Variants in GNA12 observed in about 807,000 individuals in gnomAD.
The protein encoded by GNA12 is guanine nucleotide-binding protein subunit alpha-12.
In GNA12, 9 loss-of-function variants were observed where a neutral mutation model predicts 26.0. That is an observed-to-expected ratio of 0.35 (90% confidence interval 0.21 to 0.60). The LOEUF (loss-of-function observed/expected upper bound fraction) is 0.60, where lower values mean the gene tolerates loss of function less well. Ranked by LOEUF, GNA12 falls within the 20% of genes least tolerant of loss-of-function variation. GNA12 has a pLI of 0.78. For synonymous variants in GNA12, 264 were observed against 219.6 expected, an observed-to-expected ratio of 1.20 and a Z score of -1.79; for missense variants, 405 against 525.8, an observed-to-expected ratio of 0.77 and a Z score of 2.25.
intron 2 of GNA12, among the ~76,000 whole-genome samples, chr7:2,770,922 C>T (rs1170154945): frequency 6.6e-6 from 1 of 152,184 alleles, no homozygotes; most frequent in Non-Finnish European, 1.5e-5. Flanking sequence ...CCTGGGGGTA[C>T]TGCAAGCGCC....
At chr7:2,759,707 T>C (rs545653906) in intron 2 of GNA12, among the ~76,000 whole-genome samples, 2 of 152,222 alleles carry the variant, frequency 1.3e-5, no homozygotes, top group East Asian at 1.9e-4. Context: ...TCATACAGGA[T>C]AGGAGAGAGA....
At chr7:2,831,090 T>C (rs1409319200) in intron 1 of GNA12, among the ~76,000 whole-genome samples, 1 of 152,148 alleles carries the variant, frequency 6.6e-6, no homozygotes, top group Non-Finnish European at 1.5e-5. Flanking sequence ...ATTTGTTGAC[T>C]TGCTGTCCCA....
intron 2 of GNA12, among the ~76,000 whole-genome samples, chr7:2,771,776 T>G (rs551903785): frequency 8.2e-4 from 125 of 152,338 alleles, no homozygotes; most frequent in African/African-American, 3.0e-3. Flanking sequence ...ATATTTTCAC[T>G]TCTCTTTGGT....
chr7:2,805,077 T>C (rs1185602088), intron 1 of GNA12, among the ~76,000 whole-genome samples: 1 of 152,186 alleles, frequency 6.6e-6, no homozygotes, highest in African/African-American at 2.4e-5. Context: ...CTCAGCACAC[T>C]GTGGTAAATA....
Position 2,740,124 on chromosome 7 carries a change from G to A in GNA12, c.526-6623C>T, listed in dbSNP as rs182035810. 4.9e-4 allele frequency among the ~76,000 whole-genome samples: 74 copies of A among 152,138 alleles called. No homozygotes were observed. In the East Asian group the frequency reaches 0.012, roughly 24 times the overall value. ...TTGCTGTTTTCTGATTTTTAAAAAC[G>A]GTGGCCATCCTACTAGCTGTGAAAT... is the stretch of plus-strand genomic sequence containing the variant. On this transcript the variant is annotated intron_variant, in intron 2 of 3. Coordinates refer to ENST00000275364, the MANE Select transcript of GNA12 (RefSeq NM_007353.3).
chr7:2,733,701 T>C (rs1790016215), intron 2 of GNA12, among the ~76,000 whole-genome samples, 200 bp from the exon 3 acceptor site: 1 of 152,260 alleles, frequency 6.6e-6, no homozygotes, highest in African/African-American at 2.4e-5. Context: ...GCAGGTTCTT[T>C]AGCTCCAACC....
chr7:2,728,922 G>A lies in GNA12; in HGVS notation c.*2259C>T, dbSNP rs1008123341. ...GTGGGGTCAGCGCTGAGCGGGTCAA[G>A]AGCCCGCGCCGGGGGCCATCCCCCT... is the stretch of plus-strand genomic sequence containing the variant. On this transcript the variant is annotated 3_prime_UTR_variant, in exon 4 of 4. Transcript: ENST00000275364. 4 of 152,426 alleles carry A rather than the reference G, an allele frequency of 2.6e-5. No individual in the cohort carries two copies. The highest frequency in any genetic ancestry group is 4.4e-5 in the Non-Finnish European group (3 of 68,052). 9.4% of individuals were successfully genotyped at this position (152,426 alleles called of 1,614,324 possible).
chr7:2,767,604 T>C (rs895783934), intron 2 of GNA12, among the ~76,000 whole-genome samples: 27 of 141,652 alleles, frequency 1.9e-4, no homozygotes, highest in Admixed American at 5.0e-4. Flanking sequence ...TGTTTCCCTG[T>C]CTTCTTATTT....
intron 2 of GNA12, among the ~76,000 whole-genome samples, chr7:2,759,184 T>TAAATA (rs1554257570): frequency 1.3e-4 from 19 of 141,998 alleles, no homozygotes; most frequent in South Asian, 2.2e-4. Context: ...AATAAATAAA[T>TAAATA]AAATAAAATA....
intron 1 of GNA12, among the ~76,000 whole-genome samples, chr7:2,843,525 T>C (rs966438454): frequency 6.6e-6 from 1 of 151,758 alleles, no homozygotes; most frequent in African/African-American, 2.4e-5. Flanking sequence ...TGCGCGCCTG[T>C]AATCCCACTA....
At chr7:2,763,030 GGA>G in intron 2 of GNA12, 1 of 1,260,876 alleles carries the variant, frequency 7.9e-7, no homozygotes, top group Non-Finnish European at 1.0e-6. Flanking sequence ...CACTGGCCCA[GGA>G]CTCAGCGTGC....
At chr7:2,763,450 G>C (rs574518965) in intron 2 of GNA12, 1 of 152,346 alleles carries the variant, frequency 6.6e-6, no homozygotes, top group Non-Finnish European at 1.5e-5. Flanking sequence ...CAAAGGTTTT[G>C]TCTGGAAAAG....
chr7:2,753,953 G>C (rs181838698), intron 2 of GNA12, among the ~76,000 whole-genome samples: 3 of 152,218 alleles, frequency 2.0e-5, no homozygotes, highest in Non-Finnish European at 2.9e-5. Flanking sequence ...CTGTAGGTCC[G>C]GCGGCGCATC....
At chr7:2,759,829 G>T (rs77925799) in intron 2 of GNA12, among the ~76,000 whole-genome samples, 3,608 of 152,256 alleles carry the variant, frequency 0.024, 100 homozygotes, top group Middle Eastern at 0.075. Context: ...TTTCTGCAAC[G>T]GGTGCAGATG....
chr7:2,765,882 T>TCC (rs1228427445), intron 2 of GNA12, among the ~76,000 whole-genome samples: 4 of 122,278 alleles, frequency 3.3e-5, no homozygotes, highest in African/African-American at 1.2e-4. Flanking sequence ...AGGGCCCCCC[T>TCC]CCCCTCCCCC....
chr7:2,819,452 T>C (rs1407703670), intron 1 of GNA12, among the ~76,000 whole-genome samples: 1 of 152,212 alleles, frequency 6.6e-6, no homozygotes, highest in Non-Finnish European at 1.5e-5. Flanking sequence ...GGTAATTTGT[T>C]ACAGTGGCAA....
At chr7:2,828,398 G>T (rs370200051) in intron 1 of GNA12, among the ~76,000 whole-genome samples, 4 of 152,098 alleles carry the variant, frequency 2.6e-5, no homozygotes, top group South Asian at 4.2e-4. Flanking sequence ...CAACAGCCCG[G>T]GCTGGAGTGA....
intron 2 of GNA12, among the ~76,000 whole-genome samples, chr7:2,752,123 T>C (rs991429274): frequency 1.3e-5 from 2 of 151,936 alleles, no homozygotes; most frequent in African/African-American, 4.8e-5. Context: ...TAAACCTAAC[T>C]ACATAAAAAA....
At chr7:2,787,661 G>A (rs1583281586) in intron 2 of GNA12, among the ~76,000 whole-genome samples, 1 of 152,236 alleles carries the variant, frequency 6.6e-6, no homozygotes, top group Non-Finnish European at 1.5e-5. Flanking sequence ...GGCCGCTTCC[G>A]TTGTGGGTCC....
Sources: gnomAD v4.1 joint callset for allele counts (sites outside exome capture counted in the v4.1 genomes callset) on GRCh38, gnomAD v4.1.1 for gene constraint, MANE v1.5 for transcripts, NCBI Gene and HGNC (gene_info 2026-07-23, HGNC 2026-07-21) for gene names.